Variants in VPS8 observed in about 807,000 individuals in gnomAD.
VPS8 encodes VPS8 subunit of CORVET complex, also known as vacuolar protein sorting-associated protein 8 homolog.
In VPS8, 129 loss-of-function variants were observed where a neutral mutation model predicts 216.4. That is an observed-to-expected ratio of 0.60 (90% confidence interval 0.52 to 0.69). The LOEUF is 0.69. VPS8 is among the 30% of genes least tolerant of loss of function. VPS8 has a pLI of 0.00. For missense variants in VPS8, 1,531 were observed against 1,683.5 expected (o/e 0.91, Z 1.59); for synonymous variants, 571 against 565.4 (o/e 1.01, Z -0.14).
intron 40 of VPS8, among the ~76,000 whole-genome samples, chr3:184,979,897 G>A (rs1749909063): frequency 6.6e-6 from 1 of 152,102 alleles, no homozygotes; most frequent in Non-Finnish European, 1.5e-5. Flanking sequence ...TGGCGTCAGT[G>A]GTCTATGTAC....
chr3:185,051,208 GTCC>G, intron 47 of VPS8, among the ~76,000 whole-genome samples: 1 of 152,274 alleles, frequency 6.6e-6, no homozygotes, highest in East Asian at 1.9e-4. Flanking sequence ...CTACCCTTCT[GTCC>G]TCCTTGGCAG....
chr3:184,961,689 TATC>T (rs1746531564), intron 37 of VPS8, among the ~76,000 whole-genome samples: 1 of 150,472 alleles, frequency 6.6e-6, no homozygotes, highest in Non-Finnish European at 1.5e-5. Flanking sequence ...TTTCTATTAA[TATC>T]ATACAGTAGA....
intron 45 of VPS8, among the ~76,000 whole-genome samples, chr3:185,006,448 T>C (rs1263915236): frequency 6.6e-6 from 1 of 152,232 alleles, no homozygotes; most frequent in Non-Finnish European, 1.5e-5. Flanking sequence ...ACCTGTTCTA[T>C]TTTTATTCTG....
At position 184,823,380 on chromosome 3, in the gene VPS8, C is replaced by CT. The variant is rs1170420865; in HGVS notation, c.-88-1157dup. ...ATTAAGTGGCTCAGTAATTACAAGT[C>CT]TTTTTTTTCTGCCTTCACTAACATG... On this transcript the variant is annotated intron_variant, in intron 1 of 47. Coordinates refer to ENST00000625842, the MANE Select transcript of VPS8 (RefSeq NM_001009921.3). Among the ~76,000 whole-genome samples, 11 of 152,124 alleles carry CT rather than the reference C, an allele frequency of 7.2e-5. No homozygotes were observed. In the East Asian group the frequency reaches 1.4e-3, roughly 19 times the overall value.
chr3:184,848,950 G>T, intron 8 of VPS8, 121 bp from the exon 9 acceptor site: 2 of 1,009,682 alleles, frequency 2.0e-6, no homozygotes, highest in Non-Finnish European at 2.9e-6. Context: ...AAATGAATGT[G>T]ACTTCATTAT....
chr3:185,041,088 C>G (rs182758957), intron 46 of VPS8, among the ~76,000 whole-genome samples: 245 of 152,102 alleles, frequency 1.6e-3, no homozygotes, highest in Admixed American at 3.3e-3. Context: ...ATCTGTAATC[C>G]CAGCTATTCG....
intron 34 of VPS8, 23 bp from the exon 35 acceptor site, chr3:184,936,223 T>C (rs1741583967): frequency 1.3e-6 from 2 of 1,587,518 alleles, no homozygotes; most frequent in Non-Finnish European, 1.7e-6. Flanking sequence ...TAGAGATGGC[T>C]TTGTCTTTTC....
intron 46 of VPS8, among the ~76,000 whole-genome samples, chr3:185,032,314 A>G (rs923739238): frequency 7.9e-5 from 12 of 152,330 alleles, no homozygotes; most frequent in African/African-American, 2.9e-4. Flanking sequence ...GAATCATTGC[A>G]ATAGAGGTGA....
rs1269213375 is a variant in VPS8, at chr3:184,924,913, A to G, written c.2506A>G (p.Thr836Ala). The G allele has an allele frequency of 6.2e-7, 1 of 1,613,086 alleles. No individual in the cohort carries two copies. Among genetic ancestry groups the G allele is most frequent in the African/African-American group, 1.3e-5 (1 of 74,652 alleles). Reference sequence around the variant, plus strand: ...CCCCTCACAAGTAGGATGTCTCTTTACCTTCCTTGCTCGGCAGCTTGCAAA... The same window carrying G: ...CCCCTCACAAGTAGGATGTCTCTTTGCCTTCCTTGCTCGGCAGCTTGCAAA... ...FTPSQVGCLF[T>A]FLARQLAKPD... Residue 836 changes from threonine to alanine, a missense_variant, in exon 30 of 48, where the codon ACC (threonine) becomes GCC (alanine). This residue lies in a region of VPS8 where 1,318 missense variants were observed against 1,468.4 expected (regional missense o/e 0.90). Transcript: ENST00000625842.
intron 29 of VPS8, among the ~76,000 whole-genome samples, chr3:184,924,546 C>T (rs1483450782): frequency 6.6e-6 from 1 of 151,940 alleles, no homozygotes; most frequent in Non-Finnish European, 1.5e-5. Context: ...TAGAAGGATT[C>T]TCTAAGAATT....
intron 37 of VPS8, among the ~76,000 whole-genome samples, chr3:184,959,886 C>T (rs1746213963): frequency 1.3e-5 from 2 of 151,374 alleles, no homozygotes; most frequent in Admixed American, 6.6e-5. Context: ...ATGTGCACAA[C>T]GTGCAGGTTT....
chr3:184,821,537 G>A (rs1372392039), intron 1 of VPS8, among the ~76,000 whole-genome samples: 9 of 151,860 alleles, frequency 5.9e-5, no homozygotes, highest in African/African-American at 1.5e-4. Context: ...TAGTAGAGAC[G>A]AGGTTTCACC....
At chr3:184,918,263 A>T (rs1737969908) in intron 28 of VPS8, among the ~76,000 whole-genome samples, 1 of 152,172 alleles carries the variant, frequency 6.6e-6, no homozygotes, top group Non-Finnish European at 1.5e-5. Flanking sequence ...GTGGATTAGG[A>T]GGTAGCTTGC....
chr3:185,034,271 A>G (rs1758569582), intron 46 of VPS8, among the ~76,000 whole-genome samples: 1 of 152,192 alleles, frequency 6.6e-6, no homozygotes, highest in Non-Finnish European at 1.5e-5. Flanking sequence ...TTCTTTATAC[A>G]GTCTACCATT....
At chr3:184,836,575 T>C (rs766139611) in intron 5 of VPS8, among the ~76,000 whole-genome samples, 1 of 152,216 alleles carries the variant, frequency 6.6e-6, no homozygotes, top group Non-Finnish European at 1.5e-5. Context: ...TGAGCTCCTT[T>C]GGTATGTTAA....
At chr3:185,005,452 A>G (rs544052507) in intron 45 of VPS8, among the ~76,000 whole-genome samples, 103 of 152,184 alleles carry the variant, frequency 6.8e-4, no homozygotes, top group African/African-American at 2.3e-3. Context: ...GAATCTGTAG[A>G]TTGCTTTTGG....
intron 22 of VPS8, among the ~76,000 whole-genome samples, chr3:184,890,994 C>T (rs1732235554): frequency 6.6e-6 from 1 of 151,708 alleles, no homozygotes; most frequent in Non-Finnish European, 1.5e-5. Flanking sequence ...ATATGGGTAG[C>T]CCTAATGTCA....
At chr3:184,911,476 C>G (rs1266814234) in intron 25 of VPS8, among the ~76,000 whole-genome samples, 2 of 152,204 alleles carry the variant, frequency 1.3e-5, no homozygotes, top group Non-Finnish European at 2.9e-5. Flanking sequence ...CATACACAAG[C>G]TACAGTAGGA....
intron 1 of VPS8, among the ~76,000 whole-genome samples, chr3:184,818,744 A>G (rs1265682519): frequency 6.6e-6 from 1 of 152,212 alleles, no homozygotes; most frequent in African/African-American, 2.4e-5. Context: ...TAGTAAATAA[A>G]AACTTGATTC....
Sources: allele counts gnomAD v4.1 joint callset (sites outside exome capture counted in the v4.1 genomes callset), GRCh38; gene constraint gnomAD v4.1.1; regional missense constraint gnomAD v4.1.1; transcripts MANE v1.5; gene names NCBI Gene and HGNC (gene_info 2026-07-23, HGNC 2026-07-21).